The following MYRFL variants were observed in gnomAD, a reference collection of about 807,000 sequenced individuals.
MYRFL encodes myelin regulatory factor-like protein.
MYRFL carries 88 observed loss-of-function variants against 109.4 expected under a neutral mutation model. The observed-to-expected ratio is 0.80, with a 90% CI of 0.68 to 0.96. The LOEUF (loss-of-function observed/expected upper bound fraction) is 0.96. MYRFL is among the 40% of genes least tolerant of loss of function. MYRFL has a pLI of 0.00. For synonymous variants in MYRFL, 324 were observed against 320.9 expected (o/e 1.01, Z -0.10); for missense variants, 957 against 954.9 (o/e 1.00, Z -0.03).
At chr12:69,941,189 A>G (rs1169842979) in intron 19 of MYRFL, among the ~76,000 whole-genome samples, 2 of 111,782 alleles carry the variant, frequency 1.8e-5, no homozygotes, top group Admixed American at 2.1e-4. Context: ...CGGACCTCAT[A>G]GACATCTACA....
intron 10 of MYRFL, among the ~76,000 whole-genome samples, chr12:69,899,859 T>C (rs1387418476): frequency 3.3e-5 from 5 of 152,210 alleles, no homozygotes; most frequent in Non-Finnish European, 7.3e-5. Context: ...ACCAATTTAA[T>C]GAAAATTAAG....
In MYRFL at chr12:69,957,841, G is replaced by A; in HGVS notation, c.2470G>A (p.Val824Ile). ...LEINTTEPLIVFQCKFTLGNI... is the reference protein window; with the variant it reads ...LEINTTEPLIIFQCKFTLGNI... The stretch of plus-strand genomic sequence containing the variant: ...TTGAAGCACAACAGAGCCATTGATA[G>A]TCTTCCAGTGCAAATTCACCCTTGG... The change falls in exon 23 of 25, where the codon GTC becomes ATC. Residue 824 changes from valine (V) to isoleucine (I), a missense_variant. Val to Ile is a conservative substitution (Grantham distance 29). Transcript: ENST00000552032. 6 of 1,533,496 alleles carry A rather than the reference G, an allele frequency of 3.9e-6. No individual in the cohort carries two copies. In the Middle Eastern group the frequency reaches 8.4e-4, roughly 214 times the overall value. 95.0% of individuals were successfully genotyped at this position (1,533,496 alleles called of 1,614,324 possible).
chr12:69,882,003 A>C lies in MYRFL; in HGVS notation c.556+1711A>C, dbSNP rs148954921. ...AAGGGATACAGGACAAGTCACTCAA[A>C]CCTTCCAAGAATTCCCTCATCAAAC... On this transcript the variant is annotated intron_variant, in intron 5 of 24. Transcript: ENST00000552032. Among the ~76,000 whole-genome samples the C allele has an allele frequency of 3.0e-3, 461 of 152,228 alleles. 3 individuals carry two copies. The highest frequency in any genetic ancestry group is 0.019 in the East Asian group (97 of 5,180).
At chr12:69,921,931 T>G (rs1948449) in intron 13 of MYRFL, among the ~76,000 whole-genome samples, 20,079 of 152,148 alleles carry the variant, frequency 0.13, 1,654 homozygotes, top group African/African-American at 0.24. Context: ...TTTATTATAA[T>G]TCTCCATAGT....
chr12:69,889,743 C>T (rs1388951082), intron 6 of MYRFL, among the ~76,000 whole-genome samples: 1 of 152,088 alleles, frequency 6.6e-6, no homozygotes, highest in African/African-American at 2.4e-5. Context: ...GTAATCCCAG[C>T]TACTCAGGAG....
intron 7 of MYRFL, among the ~76,000 whole-genome samples, chr12:69,891,599 T>TTCTTTCTTTCTTTCTTTC (rs1183414900): frequency 7.4e-6 from 1 of 135,862 alleles, no homozygotes; most frequent in African/African-American, 3.0e-5. Flanking sequence ...CTTTCTTTCT[T>TTCTTTCTTTCTTTCTTTC]TCTTTCTCTT....
At chr12:69,870,621 G>C (rs1885299719) in intron 2 of MYRFL, among the ~76,000 whole-genome samples, 1 of 152,070 alleles carries the variant, frequency 6.6e-6, no homozygotes, top group Non-Finnish European at 1.5e-5. Flanking sequence ...TTAACAATTT[G>C]GTCAGTTTGA....
At chr12:69,869,848 A>T (rs1052869783) in intron 2 of MYRFL, among the ~76,000 whole-genome samples, 4 of 152,194 alleles carry the variant, frequency 2.6e-5, no homozygotes, top group African/African-American at 4.8e-5. Flanking sequence ...GCCTGGTTGC[A>T]ATATGAAAGA....
chr12:69,956,508 G>C (rs1565655026), intron 22 of MYRFL, among the ~76,000 whole-genome samples: 3 of 151,984 alleles, frequency 2.0e-5, no homozygotes, highest in South Asian at 2.1e-4. Flanking sequence ...ATGGTTTTTT[G>C]TGTCTCCTGA....
intron 19 of MYRFL, among the ~76,000 whole-genome samples, chr12:69,938,886 G>C (rs1488501572): frequency 4.6e-5 from 7 of 152,170 alleles, no homozygotes; most frequent in Non-Finnish European, 5.9e-5. Context: ...CCCGGGAAGC[G>C]CAGGGTTCAG....
intron 13 of MYRFL, among the ~76,000 whole-genome samples, chr12:69,917,854 A>G (rs1954793546): frequency 6.6e-6 from 1 of 152,124 alleles, no homozygotes; most frequent in South Asian, 2.1e-4. Flanking sequence ...TTTTCTGAGG[A>G]AAAGATAAGG....
At chr12:69,954,814 G>C (rs1173685177) in intron 21 of MYRFL, among the ~76,000 whole-genome samples, 1 of 152,074 alleles carries the variant, frequency 6.6e-6, no homozygotes, top group Admixed American at 6.6e-5. Context: ...AAAGGTGTGG[G>C]GGGAATCTAT....
chr12:69,886,985 T>G lies in MYRFL; in HGVS notation c.707+15T>G. 1.3e-6 allele frequency: 2 copies of G among 1,535,426 alleles called. No homozygotes were observed. The highest frequency in any genetic ancestry group is 1.7e-6 in the Non-Finnish European group (2 of 1,146,428). On this transcript the variant is annotated intron_variant, in intron 6 of 24. Coordinates refer to ENST00000552032, the MANE Select transcript of MYRFL (RefSeq NM_182530.3). ...TATGAAAAACTGTAAGTGGCTTGAG[T>G]GGGCTGGAGAGTGAGGGGAGAAAGA...
intron 2 of MYRFL, among the ~76,000 whole-genome samples, chr12:69,868,905 C>T (rs554409804): frequency 6.1e-4 from 92 of 151,752 alleles, no homozygotes; most frequent in African/African-American, 1.9e-3. Context: ...CGTACGCACA[C>T]GCGCACACAC....
intron 13 of MYRFL, among the ~76,000 whole-genome samples, chr12:69,918,217 C>A (rs1252017480): frequency 1.3e-5 from 2 of 152,182 alleles, no homozygotes; most frequent in Non-Finnish European, 2.9e-5. Context: ...TCCAATGAGG[C>A]TTCATGTGCC....
chr12:69,874,970 G>T (rs1011052395), intron 2 of MYRFL, among the ~76,000 whole-genome samples: 226 of 149,604 alleles, frequency 1.5e-3, no homozygotes, highest in Non-Finnish European at 2.5e-3. Context: ...TATCTTTAAA[G>T]ATATAAATGT....
At chr12:69,937,886 A>C (rs534814005) in intron 19 of MYRFL, among the ~76,000 whole-genome samples, 1 of 152,184 alleles carries the variant, frequency 6.6e-6, no homozygotes, top group Non-Finnish European at 1.5e-5. Context: ...TGTTGTAATG[A>C]GGTATTACTC....
At chr12:69,868,616 T>C (rs1281828348) in intron 2 of MYRFL, among the ~76,000 whole-genome samples, 1 of 152,172 alleles carries the variant, frequency 6.6e-6, no homozygotes, top group Non-Finnish European at 1.5e-5. Flanking sequence ...AGCACAGAGC[T>C]GGAGGGGAGG....
intron 1 of MYRFL, among the ~76,000 whole-genome samples, chr12:69,849,070 C>T (rs1369209181): frequency 6.6e-6 from 1 of 152,142 alleles, no homozygotes; most frequent in Admixed American, 6.5e-5. Context: ...CAGGGTTTCA[C>T]CATGTTTGCC....
Sources: allele counts gnomAD v4.1 joint callset (sites outside exome capture counted in the v4.1 genomes callset), GRCh38; gene constraint gnomAD v4.1.1; transcripts MANE v1.5; gene names NCBI Gene and HGNC (gene_info 2026-07-23, HGNC 2026-07-21).